LRP1B: variants seen among roughly 807,000 people sequenced by gnomAD.
LRP1B encodes the protein LDL receptor related protein 1B.
A neutral mutation model predicts 556.6 loss-of-function variants in LRP1B; 217 were observed. The observed-to-expected ratio is 0.39, with a 90% CI of 0.35 to 0.44. The LOEUF is 0.44. Ranked by LOEUF, LRP1B falls within the 20% of genes least tolerant of loss-of-function variation. The pLI is 1.00. For synonymous variants in LRP1B, 2,047 were observed against 1,865.8 expected (o/e 1.10, Z -2.50); for missense variants, 5,053 against 5,620.8 (o/e 0.90, Z 3.23).
At chr2:142,057,671 T>A (rs570851484) in intron 1 of LRP1B, among the ~76,000 whole-genome samples, 135 of 152,310 alleles carry the variant, frequency 8.9e-4, no homozygotes, top group African/African-American at 3.1e-3. Context: ...AAGAGTATAA[T>A]ATTTTTCAGA....
chr2:140,556,326 C>T (rs1680732036), intron 43 of LRP1B, among the ~76,000 whole-genome samples: 1 of 152,020 alleles, frequency 6.6e-6, no homozygotes, highest in African/African-American at 2.4e-5. Flanking sequence ...GGCCCCCCCA[C>T]AATGTACTCT....
At chr2:141,674,089 T>A (rs544567460) in intron 2 of LRP1B, among the ~76,000 whole-genome samples, 153 of 152,176 alleles carry the variant, frequency 1.0e-3, no homozygotes, top group African/African-American at 3.5e-3. Context: ...TAATAGCACA[T>A]CTGAGTCTCC....
At chr2:141,448,414 G>A (rs1681279407) in intron 3 of LRP1B, among the ~76,000 whole-genome samples, 1 of 152,166 alleles carries the variant, frequency 6.6e-6, no homozygotes, top group South Asian at 2.1e-4. Flanking sequence ...CCCATACCAG[G>A]GGAGTGAACG....
chr2:141,799,888 T>C (rs1366628165), intron 2 of LRP1B, among the ~76,000 whole-genome samples: 1 of 151,846 alleles, frequency 6.6e-6, no homozygotes, highest in East Asian at 1.9e-4. Flanking sequence ...ATTAATTTGT[T>C]TATATACACA....
intron 3 of LRP1B, among the ~76,000 whole-genome samples, chr2:141,279,745 C>T (rs1223129288): frequency 1.3e-5 from 2 of 151,976 alleles, no homozygotes; most frequent in Non-Finnish European, 1.5e-5. Flanking sequence ...CTCTGACTTA[C>T]GATTTGTCAA....
chr2:141,645,303 C>T (rs1689512839), intron 2 of LRP1B, among the ~76,000 whole-genome samples: 1 of 151,986 alleles, frequency 6.6e-6, no homozygotes, highest in Non-Finnish European at 1.5e-5. Flanking sequence ...GTCCCCCAAA[C>T]TTTTTGATTG....
intron 88 of LRP1B, 63 bp downstream of exon 88, chr2:140,239,379 A>C: frequency 9.9e-7 from 1 of 1,010,846 alleles, no homozygotes; most frequent in Non-Finnish European, 1.5e-6. Context: ...AACAAACATT[A>C]TGTTTCTGCA....
At chr2:140,900,907 T>C (rs1275855677) in intron 23 of LRP1B, among the ~76,000 whole-genome samples, 1 of 152,152 alleles carries the variant, frequency 6.6e-6, no homozygotes, top group Non-Finnish European at 1.5e-5. Context: ...CCAGGATTTC[T>C]GGAGATGAAG....
chr2:140,248,041 GCTTCCAGAGC>G (rs1681244403), intron 86 of LRP1B, among the ~76,000 whole-genome samples: 1 of 151,588 alleles, frequency 6.6e-6, no homozygotes, highest in Non-Finnish European at 1.5e-5. Context: ...TAAAAAAACA[GCTTCCAGAGC>G]CATTCCAAGT....
intron 35 of LRP1B, among the ~76,000 whole-genome samples, chr2:140,723,803 T>C (rs950602765): frequency 2.8e-4 from 43 of 152,192 alleles, no homozygotes; most frequent in Admixed American, 1.8e-3. Context: ...AAAAAGTATA[T>C]TAGCATAGTT....
intron 2 of LRP1B, among the ~76,000 whole-genome samples, chr2:141,581,322 C>T (rs994457267): frequency 6.6e-6 from 1 of 152,196 alleles, no homozygotes; most frequent in East Asian, 1.9e-4. Context: ...AGGTAATACA[C>T]TTTAAGCTCC....
At chr2:140,828,870 C>A (rs1437607281) in intron 31 of LRP1B, among the ~76,000 whole-genome samples, 2 of 149,872 alleles carry the variant, frequency 1.3e-5, no homozygotes, top group African/African-American at 4.9e-5. Flanking sequence ...AGGCTATATG[C>A]TACTTGTAAG....
At chr2:141,933,393 T>C (rs1366753252) in intron 1 of LRP1B, among the ~76,000 whole-genome samples, 1 of 152,104 alleles carries the variant, frequency 6.6e-6, no homozygotes, top group Non-Finnish European at 1.5e-5. Flanking sequence ...TATTTCATGC[T>C]TACATCTTGT....
chr2:140,316,923 GC>G (rs1454946344), intron 82 of LRP1B, among the ~76,000 whole-genome samples: 1 of 152,048 alleles, frequency 6.6e-6, no homozygotes, highest in Non-Finnish European at 1.5e-5. Flanking sequence ...ATTTCAACAG[GC>G]GATTGATATG....
At chr2:140,912,702 A>C (rs112538670) in intron 21 of LRP1B, among the ~76,000 whole-genome samples, 1 of 151,744 alleles carries the variant, frequency 6.6e-6, no homozygotes, top group East Asian at 1.9e-4. Context: ...AGAAAAGAAA[A>C]TAAGAATAGA....
At chr2:140,877,903 A>G (rs1312412357) in intron 25 of LRP1B, among the ~76,000 whole-genome samples, 3 of 152,068 alleles carry the variant, frequency 2.0e-5, no homozygotes, top group Non-Finnish European at 4.4e-5. Flanking sequence ...GGCCAAATAA[A>G]CTTTCTAGAT....
intron 11 of LRP1B, among the ~76,000 whole-genome samples, chr2:141,042,308 G>T (rs540082836): frequency 6.6e-5 from 10 of 152,154 alleles, no homozygotes; most frequent in African/African-American, 2.4e-4. Context: ...AAAAAAATGG[G>T]CGTTCCCTAA....
intron 2 of LRP1B, among the ~76,000 whole-genome samples, chr2:141,504,495 T>A (rs1339447581): frequency 6.6e-6 from 1 of 152,130 alleles, no homozygotes; most frequent in Admixed American, 6.6e-5. Flanking sequence ...TACTAAGTGA[T>A]AGTTTGAAAA....
intron 2 of LRP1B, among the ~76,000 whole-genome samples, chr2:141,506,872 A>G (rs1482938909): frequency 6.6e-6 from 1 of 152,172 alleles, no homozygotes; most frequent in Non-Finnish European, 1.5e-5. Flanking sequence ...ATTGAAACAT[A>G]GTTCTAATTG....
Sources: gnomAD v4.1 joint callset for allele counts (sites outside exome capture counted in the v4.1 genomes callset) on GRCh38, gnomAD v4.1.1 for gene constraint, MANE v1.5 for transcripts, NCBI Gene and HGNC (gene_info 2026-07-23, HGNC 2026-07-21) for gene names.